The following GFOD2 variants were observed in gnomAD, a reference collection of about 807,000 sequenced individuals.
GFOD2 encodes Gfo/Idh/MocA-like oxidoreductase domain containing 2, also known as glucose-fructose oxidoreductase domain-containing protein 2.
Under a neutral mutation model 24.6 loss-of-function variants are expected in GFOD2, and 9 were observed. The observed-to-expected ratio is 0.37, with a 90% CI of 0.22 to 0.64. The LOEUF (loss-of-function observed/expected upper bound fraction) is 0.64, where lower values mean the gene tolerates loss of function less well. Among genes scored for constraint, GFOD2 ranks in the 30% least tolerant of loss-of-function variants. The pLI is 0.65. For missense variants in GFOD2, 476 were observed against 532.5 expected (o/e 0.89, Z 1.04); for synonymous variants, 211 against 224.8 (o/e 0.94, Z 0.55).
At chr16:67,715,517 T>C (rs1375063077) in intron 1 of GFOD2, among the ~76,000 whole-genome samples, 1 of 151,866 alleles carries the variant, frequency 6.6e-6, no homozygotes, top group Non-Finnish European at 1.5e-5. Flanking sequence ...TTCATGTTTT[T>C]CTCAGTATCT....
intron 1 of GFOD2, among the ~76,000 whole-genome samples, chr16:67,703,081 C>T (rs188610953): frequency 5.3e-5 from 8 of 152,246 alleles, no homozygotes; most frequent in African/African-American, 7.2e-5. Flanking sequence ...GTCTTTATAA[C>T]GTTGGGGTTT....
intron 1 of GFOD2, among the ~76,000 whole-genome samples, chr16:67,709,749 G>A (rs1187338048): frequency 6.6e-6 from 1 of 151,988 alleles, no homozygotes; most frequent in East Asian, 1.9e-4. Flanking sequence ...TGAGTAGCTA[G>A]GACCACAGGC....
chr16:67,686,830 C>G (rs1297602805), intron 1 of GFOD2, among the ~76,000 whole-genome samples: 1 of 151,310 alleles, frequency 6.6e-6, no homozygotes, highest in Non-Finnish European at 1.5e-5. Context: ...GAGTGAGACT[C>G]TATCCAAAAA....
At chr16:67,693,560 T>C (rs1188682642) in intron 1 of GFOD2, among the ~76,000 whole-genome samples, 1 of 151,968 alleles carries the variant, frequency 6.6e-6, no homozygotes, top group Non-Finnish European at 1.5e-5. Context: ...GCATGAGCCA[T>C]GGTCCCTGGC....
At chr16:67,688,733 ACT>A (rs1491489444) in intron 1 of GFOD2, among the ~76,000 whole-genome samples, 1 of 142,850 alleles carries the variant, frequency 7.0e-6, no homozygotes, top group African/African-American at 2.6e-5. Flanking sequence ...CATAAAATTT[ACT>A]TTTTTTTTTT....
chr16:67,699,211 G>A (rs2053381243), intron 1 of GFOD2, among the ~76,000 whole-genome samples: 1 of 151,884 alleles, frequency 6.6e-6, no homozygotes, highest in South Asian at 2.1e-4. Flanking sequence ...ACGTGATGGT[G>A]GGTACCTGTA....
rs570727611 is a variant in GFOD2 at position 67,690,932 on chromosome 16, A to G, written c.-87-5130T>C. ...GGCTGGAGTGCAGTGGCACAATCTC[A>G]GCTCACTGCAACCTCCGCCTCTTGG... On this transcript the variant is annotated intron_variant, in intron 1 of 2. Transcript: ENST00000268797. Among the ~76,000 whole-genome samples the G allele has an allele frequency of 5.4e-4, 82 of 151,714 alleles. 1 individual carries two copies. The highest frequency in any genetic ancestry group is 3.4e-3 in the Middle Eastern group (1 of 290).
chr16:67,680,354 TCAAGC>T (rs1351793752), intron 2 of GFOD2: 1 of 152,236 alleles, frequency 6.6e-6, no homozygotes, highest in East Asian at 1.9e-4. Context: ...TGAGCTATGA[TCAAGC>T]CACTGTACTC....
chr16:67,715,412 T>C (rs1316239818), intron 1 of GFOD2, among the ~76,000 whole-genome samples: 1 of 152,198 alleles, frequency 6.6e-6, no homozygotes, highest in African/African-American at 2.4e-5. Context: ...GAAAATTTTT[T>C]TTTGTCTTTG....
chr16:67,683,745 A>T, intron 2 of GFOD2: 4 of 1,228,202 alleles, frequency 3.3e-6, no homozygotes, highest in Non-Finnish European at 4.1e-6. Flanking sequence ...GAGGGAGGAG[A>T]TAAGTAGCAG....
In GFOD2 at chr16:67,702,047, T is replaced by C. The variant is rs1186434358; in HGVS notation, c.-87-16245A>G. Among the ~76,000 whole-genome samples the C allele has an allele frequency of 1.3e-5, 2 of 152,142 alleles. 1 individual carries two copies. Among genetic ancestry groups the C allele is most frequent in the African/African-American group, 4.8e-5 (2 of 41,438 alleles). On this transcript the variant is annotated intron_variant, in intron 1 of 2. Coordinates refer to ENST00000268797, the MANE Select transcript of GFOD2 (RefSeq NM_030819.4). The stretch of plus-strand genomic sequence containing the variant: ...GGGTGGGAGAAATCCAATCTGGTAA[T>C]TGTTTTTGTAAATAGTTCTATGGGT...
intron 1 of GFOD2, among the ~76,000 whole-genome samples, chr16:67,694,785 CAT>C (rs1482567936): frequency 1.3e-5 from 2 of 152,152 alleles, no homozygotes; most frequent in Non-Finnish European, 2.9e-5. Flanking sequence ...CTAAATTACA[CAT>C]GACTTGGGCT....
intron 2 of GFOD2, chr16:67,682,732 G>C (rs1239874552): frequency 4.1e-6 from 4 of 985,186 alleles, no homozygotes; most frequent in Non-Finnish European, 4.8e-6. Context: ...TTAGAAGTAA[G>C]GTAAAAATAT....
intron 1 of GFOD2, among the ~76,000 whole-genome samples, chr16:67,706,966 G>T (rs2053442970): frequency 6.6e-6 from 1 of 151,892 alleles, no homozygotes; most frequent in Non-Finnish European, 1.5e-5. Flanking sequence ...GGCTGAGGAA[G>T]GAGAATGGTG....
intron 1 of GFOD2, among the ~76,000 whole-genome samples, chr16:67,708,586 G>A (rs947218704): frequency 6.6e-6 from 1 of 152,186 alleles, no homozygotes; most frequent in South Asian, 2.1e-4. Context: ...ATTTAATGAT[G>A]GCTATTCATA....
At chr16:67,681,760 G>A in intron 2 of GFOD2, 1 of 985,362 alleles carries the variant, frequency 1.0e-6, no homozygotes, top group East Asian at 1.1e-4. Context: ...GTGTGGGACT[G>A]CAAGGACATC....
At chr16:67,679,812 C>A (rs567138815) in intron 2 of GFOD2, among the ~76,000 whole-genome samples, 1 of 150,798 alleles carries the variant, frequency 6.6e-6, no homozygotes, top group Non-Finnish European at 1.5e-5. Context: ...GCTTGAACCC[C>A]GGAGGCGGAG....
chr16:67,700,317 G>A (rs1162907541), intron 1 of GFOD2, among the ~76,000 whole-genome samples: 1 of 151,932 alleles, frequency 6.6e-6, no homozygotes, highest in Non-Finnish European at 1.5e-5. Context: ...AGAGGTTGCA[G>A]TGAGCTGAGA....
intron 2 of GFOD2, chr16:67,682,880 A>G: frequency 2.1e-6 from 2 of 965,200 alleles, no homozygotes; most frequent in Non-Finnish European, 2.5e-6. Flanking sequence ...CATGTCCACC[A>G]GAGTCACCTG....
Sources: allele counts gnomAD v4.1 joint callset (sites outside exome capture counted in the v4.1 genomes callset), GRCh38; gene constraint gnomAD v4.1.1; transcripts MANE v1.5; gene names NCBI Gene and HGNC (gene_info 2026-07-23, HGNC 2026-07-21).